ARHGEF10: variants seen among roughly 807,000 people sequenced by gnomAD.
The protein encoded by ARHGEF10 is Rho guanine nucleotide exchange factor 10.
A neutral mutation model predicts 147.4 loss-of-function variants in ARHGEF10; 140 were observed. The ratio of observed to expected loss-of-function variants is 0.95; its 90% CI spans 0.83 to 1.09. The LOEUF is 1.09. ARHGEF10 is among the 50% of genes least tolerant of loss of function. ARHGEF10 has a pLI of 0.00. For synonymous variants in ARHGEF10, 902 were observed against 695.8 expected, an observed-to-expected ratio of 1.30 and a Z score of -4.67; for missense variants, 2,222 against 1,752.7, an observed-to-expected ratio of 1.27 and a Z score of -4.78.
chr8:1,956,472 T>C (rs2129297530), intron 28 of ARHGEF10, among the ~76,000 whole-genome samples: 1 of 152,326 alleles, frequency 6.6e-6, no homozygotes, highest in African/African-American at 2.4e-5. Flanking sequence ...CTTTGAAAAG[T>C]ACAGTAGGAG....
At chr8:1,949,668 GA>G (rs1235402262) in intron 27 of ARHGEF10, among the ~76,000 whole-genome samples, 2 of 150,870 alleles carry the variant, frequency 1.3e-5, no homozygotes, top group South Asian at 2.1e-4. Context: ...ATTTCCATTA[GA>G]AAAAAAAAGA....
intron 1 of ARHGEF10, among the ~76,000 whole-genome samples, chr8:1,830,532 G>A (rs1198125386): frequency 6.6e-6 from 1 of 152,162 alleles, no homozygotes; most frequent in African/African-American, 2.4e-5. Flanking sequence ...ATCTACCTGT[G>A]GCCATATGAC....
Position 1,898,187 on chromosome 8 carries a change from C to T in ARHGEF10, c.1558-246C>T, listed in dbSNP as rs993127394. Among the ~76,000 whole-genome samples the T allele has an allele frequency of 2.6e-5, 4 of 152,172 alleles. No individual in the cohort carries two copies. In the East Asian group the frequency reaches 5.8e-4, roughly 22 times the overall value. The stretch of plus-strand genomic sequence containing the variant: ...CTGGAATCTGCCCAGTCCCCTGGCC[C>T]GGGGAATTCACCCCTGGAGCTGAGG... On this transcript the variant is annotated intron_variant, in intron 14 of 28. Transcript: ENST00000349830.
intron 25 of ARHGEF10, among the ~76,000 whole-genome samples, chr8:1,932,526 G>A (rs773786165): frequency 9.9e-5 from 15 of 152,176 alleles, no homozygotes; most frequent in East Asian, 1.9e-4. Flanking sequence ...GTGTGTGTGC[G>A]TGCATGTGTG....
intron 19 of ARHGEF10, 89 bp downstream of exon 19, chr8:1,923,168 G>T (rs954066456): frequency 9.5e-7 from 1 of 1,054,038 alleles, no homozygotes; most frequent in Non-Finnish European, 1.4e-6. Flanking sequence ...TCTACCAGAA[G>T]TGAGAATTCA....
intron 2 of ARHGEF10, among the ~76,000 whole-genome samples, chr8:1,851,311 G>A (rs1195873155): frequency 6.7e-6 from 1 of 148,982 alleles, no homozygotes; most frequent in Non-Finnish European, 1.5e-5. Context: ...TCACACAGAA[G>A]GCACAGCACC....
rs769153898 is a variant in ARHGEF10 at position 1,945,530 on chromosome 8, C to T, written c.3272C>T (p.Ala1091Val). The T allele has an allele frequency of 1.9e-6, 3 of 1,613,634 alleles. No homozygotes were observed. The highest frequency in any genetic ancestry group is 2.5e-6 in the Non-Finnish European group (3 of 1,179,754). Residue 1091 changes from alanine to valine, a missense_variant, in exon 27 of 29, where the codon GCC (alanine) becomes GTC (valine). Coordinates refer to ENST00000349830, the MANE Select transcript of ARHGEF10 (RefSeq NM_014629.4). Reference protein sequence around the residue: ...QEEGMVISHMAVSGVGIWIAF... With the variant: ...QEEGMVISHMVVSGVGIWIAF... ...GAAGGCATGGTGATCTCCCACATGG[C>T]CGTGTCCGGCGTCGGGATCTGGATT...
intron 18 of ARHGEF10, among the ~76,000 whole-genome samples, chr8:1,912,347 A>G (rs1811424034): frequency 6.6e-6 from 1 of 152,016 alleles, no homozygotes; most frequent in Non-Finnish European, 1.5e-5. Context: ...TAGACTCAGT[A>G]GGAAGCTCGC....
chr8:1,913,662 C>A (rs527522410), intron 18 of ARHGEF10, among the ~76,000 whole-genome samples: 1 of 152,228 alleles, frequency 6.6e-6, no homozygotes, highest in African/African-American at 2.4e-5. Context: ...GGCCCTGCAG[C>A]TTCCAGAAGG....
Position 1,945,598 on chromosome 8 carries a change from ACT to A in ARHGEF10, c.3344_3345del (p.Leu1115GlnfsTer121), listed in dbSNP as rs1814506244. 6.2e-7 allele frequency: 1 copy of A among 1,613,856 alleles called. No individual in the cohort carries two copies. Among genetic ancestry groups the A allele is most frequent in the Non-Finnish European group, 8.5e-7 (1 of 1,179,998 alleles). Reference sequence around the variant, plus strand: ...CACGCTCCGCCTTTTTCACACGGAAACTCTCAAGCACCTGCAGGACATCAACA... The same window carrying A: ...CACGCTCCGCCTTTTTCACACGGAAACTCAAGCACCTGCAGGACATCAACA... ...GSTLRLFHTE[T>X]LKHLQDINIA... On this transcript the variant is annotated frameshift_variant, in exon 27 of 29. Coordinates refer to ENST00000349830, the MANE Select transcript of ARHGEF10 (RefSeq NM_014629.4). LOFTEE classifies it high-confidence loss of function.
At chr8:1,827,170 GC>G (rs970489272) in intron 1 of ARHGEF10, among the ~76,000 whole-genome samples, 5 of 152,218 alleles carry the variant, frequency 3.3e-5, no homozygotes, top group Non-Finnish European at 7.3e-5. Flanking sequence ...CCTGCCACCA[GC>G]CCCCACGCTG....
chr8:1,923,337 C>T, intron 19 of ARHGEF10, 131 bp from the exon 20 acceptor site: 1 of 1,392,002 alleles, frequency 7.2e-7, no homozygotes, highest in Non-Finnish European at 1.0e-6. Flanking sequence ...ACTCCCAAAG[C>T]TTTCTTTTTC....
intron 18 of ARHGEF10, among the ~76,000 whole-genome samples, chr8:1,912,105 A>G (rs1399507265): frequency 2.6e-5 from 4 of 152,204 alleles, no homozygotes; most frequent in Non-Finnish European, 5.9e-5. Context: ...CAGAGCGGGC[A>G]GCGTGGTAAC....
At chr8:1,832,506 G>GCAGAGA (rs199925013) in intron 1 of ARHGEF10, among the ~76,000 whole-genome samples, 11,651 of 116,276 alleles carry the variant, frequency 0.1, 695 homozygotes, top group East Asian at 0.2. Context: ...AGAGACACAG[G>GCAGAGA]CAGAGACAGA....
intron 1 of ARHGEF10, among the ~76,000 whole-genome samples, chr8:1,832,753 C>CAGAG (rs772196815): frequency 0.28 from 11,215 of 40,308 alleles, 3,075 homozygotes; most frequent in Middle Eastern, 0.43. Context: ...GAGGCAGAGA[C>CAGAG]AGAGACAGAG....
At position 1,823,992 on chromosome 8, in the gene ARHGEF10, CGGGGGACGCGGGGGACG is replaced by C. The variant is rs2129024465; in HGVS notation, c.-167_-151del. 1.9e-5 allele frequency: 1 copy of C among 53,094 alleles called. No individual in the cohort carries two copies. The highest frequency in any genetic ancestry group is 8.4e-5 in the African/African-American group (1 of 11,958). The allele number at this position is 53,094 out of a possible 1,614,324, so 3.3% of individuals were successfully genotyped here. A position where few individuals can be genotyped will look rare whatever the true frequency, so the allele number is the denominator to read the frequency against. ...GGGACGGACGGGGTCGCGGGGGACG[CGGGGGACGCGGGGGACG>C]GCGGGGAACGGCGGGGGACGGCGGG... On this transcript the variant is annotated 5_prime_UTR_variant, in exon 1 of 29. Coordinates refer to ENST00000349830, the MANE Select transcript of ARHGEF10 (RefSeq NM_014629.4).
intron 10 of ARHGEF10, among the ~76,000 whole-genome samples, chr8:1,883,319 G>A (rs977511886): frequency 6.6e-6 from 1 of 152,062 alleles, no homozygotes; most frequent in Non-Finnish European, 1.5e-5. Flanking sequence ...GAGACTTCTC[G>A]GAGCCTTTGT....
At chr8:1,871,850 T>C (rs1380530040) in intron 7 of ARHGEF10, among the ~76,000 whole-genome samples, 2 of 151,630 alleles carry the variant, frequency 1.3e-5, no homozygotes, top group African/African-American at 2.4e-5. Flanking sequence ...CAGAGAGCAG[T>C]GAACTGAGTA....
chr8:1,824,625 C>A (rs1375513819), intron 1 of ARHGEF10, among the ~76,000 whole-genome samples: 1 of 131,340 alleles, frequency 7.6e-6, no homozygotes, highest in Non-Finnish European at 1.6e-5. Context: ...GTTCACTCTG[C>A]ACTCCACCAG....
Sources: gnomAD v4.1 joint callset for allele counts (sites outside exome capture counted in the v4.1 genomes callset) on GRCh38, gnomAD v4.1.1 for gene constraint, MANE v1.5 for transcripts, NCBI Gene and HGNC (gene_info 2026-07-23, HGNC 2026-07-21) for gene names.